PATL1: variants seen among roughly 807,000 people sequenced by gnomAD.
The protein encoded by PATL1 is protein PAT1 homolog 1.
In PATL1, 32 loss-of-function variants were observed where a neutral mutation model predicts 100.6. That is an observed-to-expected ratio of 0.32 (90% CI 0.24 to 0.43). The LOEUF (loss-of-function observed/expected upper bound fraction) is 0.43, where lower values mean the gene tolerates loss of function less well. PATL1 is among the 20% of genes least tolerant of loss of function. The pLI, the probability that PATL1 is intolerant of heterozygous loss-of-function variation, is 1.00. For synonymous variants in PATL1, 332 were observed against 330.0 expected, an observed-to-expected ratio of 1.01 and a Z score of -0.07; for missense variants, 747 against 949.9, an observed-to-expected ratio of 0.79 and a Z score of 2.81.
At chr11:59,656,637 A>C (rs1453446508) in intron 5 of PATL1, 37 bp from the exon 6 acceptor site, 1 of 1,576,398 alleles carries the variant, frequency 6.3e-7, no homozygotes, top group Non-Finnish European at 8.7e-7. Flanking sequence ...ACACTCAATG[A>C]AATCAGTTTT....
intron 11 of PATL1, 90 bp downstream of exon 11, chr11:59,652,374 C>A: frequency 5.5e-6 from 8 of 1,464,166 alleles, no homozygotes; most frequent in South Asian, 2.9e-5. Flanking sequence ...CTTTGCATAT[C>A]CTTCCACATA....
intron 2 of PATL1, among the ~76,000 whole-genome samples, chr11:59,664,860 C>T (rs1380519537): frequency 6.6e-6 from 1 of 152,240 alleles, no homozygotes; most frequent in East Asian, 1.9e-4. Context: ...CTTGAACCAC[C>T]ACAAATAGCT....
At position 59,652,995 on chromosome 11, in the gene PATL1, G is replaced by A. The variant is rs751352329; in HGVS notation, c.1145C>T (p.Ala382Val). 1.2e-5 allele frequency: 20 copies of A among 1,612,924 alleles called. No homozygotes were observed. Among genetic ancestry groups the A allele is most frequent in the South Asian group, 4.4e-5 (4 of 91,026 alleles). The change falls in exon 10 of 19, where the codon GCG becomes GTG. Residue 382 changes from alanine to valine, a missense_variant. Transcript: ENST00000300146. ...NRSQHRNLNG[A>V]GDRGSHRSSH... ...GCTCCGGTGACTTCCTCTATCTCCC[G>A]CACCATTGAGATTCCGATGCTGACT...
chr11:59,668,014 A>T (rs1337736086), intron 1 of PATL1, among the ~76,000 whole-genome samples: 1 of 152,178 alleles, frequency 6.6e-6, no homozygotes, highest in East Asian at 1.9e-4. Context: ...CGTTCTTCTT[A>T]CCCCAGAGCC....
In PATL1 at chr11:59,655,518, T is replaced by C; in HGVS notation, c.1031+5A>G. On this transcript the variant is annotated splice_donor_5th_base_variant and intron_variant, in intron 8 of 18. Transcript: ENST00000300146. ...CTGATAAACAGTGGCGTTGATTTTGTATACCTTAGGTTTTGCAGGTGGGGT... is the reference window on the plus strand; with the variant it reads ...CTGATAAACAGTGGCGTTGATTTTGCATACCTTAGGTTTTGCAGGTGGGGT... The C allele has an allele frequency of 1.3e-6, 2 of 1,555,956 alleles. No homozygotes were observed. The highest frequency in any genetic ancestry group is 1.7e-6 in the Non-Finnish European group (2 of 1,147,960).
At chr11:59,660,068 G>A (rs147213748) in intron 2 of PATL1, among the ~76,000 whole-genome samples, 1 of 152,268 alleles carries the variant, frequency 6.6e-6, no homozygotes, top group East Asian at 1.9e-4. Context: ...TTCCCAAATT[G>A]GTGATAGATA....
chr11:59,661,770 C>G (rs1861628035), intron 2 of PATL1, among the ~76,000 whole-genome samples: 1 of 152,114 alleles, frequency 6.6e-6, no homozygotes, highest in Non-Finnish European at 1.5e-5. Context: ...ATAAAGTTAA[C>G]TTGTTTCTTT....
chr11:59,638,991 A>T, intron 18 of PATL1, 57 bp downstream of exon 18: 7 of 1,569,948 alleles, frequency 4.5e-6, no homozygotes, highest in Non-Finnish European at 5.2e-6. Flanking sequence ...CCTCCCAACC[A>T]TAACTTCTAA....
chr11:59,657,897 C>T (rs973450508), intron 4 of PATL1, among the ~76,000 whole-genome samples, 173 bp from the exon 5 acceptor site: 1 of 152,176 alleles, frequency 6.6e-6, no homozygotes, highest in East Asian at 1.9e-4. Context: ...TGGTAAGCGG[C>T]TCATGCCTGA....
chr11:59,647,932 C>T lies in PATL1; in HGVS notation c.1734-19G>A, dbSNP rs1262009268. ...ACTAGGCCTGCAAGGAAGAAAAATG[C>T]CAGCTTAGGTCAGCAAGAACAATTA... On this transcript the variant is annotated intron_variant, in intron 14 of 18. Coordinates refer to ENST00000300146, the MANE Select transcript of PATL1 (RefSeq NM_152716.3). The T allele has an allele frequency of 1.3e-6, 2 of 1,581,578 alleles. No homozygotes were observed. The highest frequency in any genetic ancestry group is 1.7e-6 in the Non-Finnish European group (2 of 1,161,648).
chr11:59,649,257 A>G (rs1005881334), intron 14 of PATL1, among the ~76,000 whole-genome samples: 1 of 152,238 alleles, frequency 6.6e-6, no homozygotes, highest in African/African-American at 2.4e-5. Flanking sequence ...GAATAAATTC[A>G]GGATAAAGAC....
At chr11:59,651,069 T>TC (rs1291367435) in intron 12 of PATL1, among the ~76,000 whole-genome samples, 10 of 152,004 alleles carry the variant, frequency 6.6e-5, no homozygotes, top group Admixed American at 4.6e-4. Flanking sequence ...AATATGAAAA[T>TC]CTTTTTTTTT....
rs1184558834 is a variant in PATL1, at chr11:59,637,827, AG to A, written c.*562del. The A allele has an allele frequency of 6.5e-6, 1 of 153,662 alleles. No individual in the cohort carries two copies. Among genetic ancestry groups the A allele is most frequent in the Non-Finnish European group, 1.4e-5 (1 of 68,972 alleles). The allele number at this position is 153,662 out of a possible 1,614,324, so 9.5% of individuals were successfully genotyped here. On this transcript the variant is annotated 3_prime_UTR_variant, in exon 19 of 19. Transcript: ENST00000300146. ...AAAATACATCAGCTGGTTTGTGTTTAGAAGAGGTAATGAGACAACTAAATAT... is the reference window on the plus strand; with the variant it reads ...AAAATACATCAGCTGGTTTGTGTTTAAAGAGGTAATGAGACAACTAAATAT...
intron 1 of PATL1, among the ~76,000 whole-genome samples, chr11:59,667,291 G>T (rs147117713): frequency 0.011 from 1,698 of 152,136 alleles, 13 homozygotes; most frequent in Admixed American, 0.017. Context: ...TACATCACTG[G>T]TTGGAATACT....
In PATL1 at chr11:59,652,064, CAAAAAAAAAAA is replaced by C. The variant is rs748019832; in HGVS notation, c.1426+389_1426+399del. Among the ~76,000 whole-genome samples, 69 of 53,004 alleles carry C rather than the reference CAAAAAAAAAAA, an allele frequency of 1.3e-3. 3 individuals carry two copies. The highest frequency in any genetic ancestry group is 2.6e-3 in the South Asian group (2 of 764). The allele number at this position is 53,004 out of a possible 152,430, so 34.8% of individuals were successfully genotyped here. The stretch of plus-strand genomic sequence containing the variant: ...TGGACAACAGAGTAAGGCTCTTTCT[CAAAAAAAAAAA>C]AAAAAAAAAAAAAAAAAGACAAAAA... On this transcript the variant is annotated intron_variant, in intron 11 of 18. Transcript: ENST00000300146.
At chr11:59,650,316 T>A (rs566833775) in intron 13 of PATL1, among the ~76,000 whole-genome samples, 1 of 152,326 alleles carries the variant, frequency 6.6e-6, no homozygotes, top group South Asian at 2.1e-4. Context: ...CTATGGTGTA[T>A]GGCCTTACAA....
intron 18 of PATL1, 131 bp from the exon 19 acceptor site, chr11:59,638,542 C>A: frequency 2.3e-6 from 2 of 874,780 alleles, no homozygotes; most frequent in Non-Finnish European, 3.7e-6. Context: ...CTACCCTTAG[C>A]ATTTGGTCAT....
intron 16 of PATL1, among the ~76,000 whole-genome samples, chr11:59,641,883 C>A (rs796615423): frequency 6.6e-6 from 1 of 152,224 alleles, no homozygotes; most frequent in South Asian, 2.1e-4. Flanking sequence ...GGCACTGTCA[C>A]CTCTTCTTCC....
At chr11:59,665,607 G>T (rs1861675526) in intron 2 of PATL1, among the ~76,000 whole-genome samples, 1 of 151,804 alleles carries the variant, frequency 6.6e-6, no homozygotes, top group Non-Finnish European at 1.5e-5. Flanking sequence ...TGACCACCCT[G>T]GCCAACATGG....
Sources: allele counts gnomAD v4.1 joint callset (sites outside exome capture counted in the v4.1 genomes callset), GRCh38; gene constraint gnomAD v4.1.1; transcripts MANE v1.5; gene names NCBI Gene and HGNC (gene_info 2026-07-23, HGNC 2026-07-21).